The following NEGR1 variants were observed in gnomAD, a reference collection of about 807,000 sequenced individuals.
NEGR1 encodes the protein IgLON family member 4.
A neutral mutation model predicts 40.9 loss-of-function variants in NEGR1; 10 were observed. That is an observed-to-expected ratio of 0.24 (90% CI 0.15 to 0.42). NEGR1 has a LOEUF of 0.42. Ranked by LOEUF, NEGR1 falls within the 10% of genes least tolerant of loss-of-function variation. The pLI is 1.00. For missense variants in NEGR1, 352 were observed against 438.9 expected, an observed-to-expected ratio of 0.80 and a Z score of 1.77; for synonymous variants, 185 against 166.8, an observed-to-expected ratio of 1.11 and a Z score of -0.84.
At chr1:72,146,955 A>G (rs56256157) in intron 1 of NEGR1, among the ~76,000 whole-genome samples, 2,046 of 152,288 alleles carry the variant, frequency 0.013, 26 homozygotes, top group Non-Finnish European at 0.021. Flanking sequence ...TTGCTTTCAA[A>G]ATCATAGGGA....
chr1:72,072,723 T>G (rs1647522207), intron 1 of NEGR1, among the ~76,000 whole-genome samples: 1 of 145,290 alleles, frequency 6.9e-6, no homozygotes, highest in South Asian at 2.2e-4. Context: ...GGCATCGATC[T>G]GAGCTTGATT....
Position 71,972,679 on chromosome 1 carries a change from C to G in NEGR1, c.177-37368G>C, listed in dbSNP as rs1198971474. Among the ~76,000 whole-genome samples the G allele has an allele frequency of 6.6e-5, 10 of 152,096 alleles. 1 individual carries two copies. The stretch of plus-strand genomic sequence containing the variant: ...GATTTTATTTCCTGCCCCACGGATA[C>G]TATATATTCCACTAGTCCCTATTTA... On this transcript the variant is annotated intron_variant, in intron 1 of 6. Transcript: ENST00000357731.
intron 6 of NEGR1, among the ~76,000 whole-genome samples, chr1:71,541,810 A>G (rs1377466526): frequency 1.3e-5 from 2 of 151,846 alleles, no homozygotes; most frequent in African/African-American, 4.8e-5. Flanking sequence ...TTAAGAAAAA[A>G]TACCAAAGGC....
chr1:71,480,497 C>T (rs182218208), intron 6 of NEGR1, among the ~76,000 whole-genome samples: 4 of 151,828 alleles, frequency 2.6e-5, no homozygotes, highest in Admixed American at 1.3e-4. Flanking sequence ...TATTGTTTGT[C>T]CCCTTCTGCT....
chr1:72,179,644 C>G (rs1652293926), intron 1 of NEGR1, among the ~76,000 whole-genome samples: 1 of 151,966 alleles, frequency 6.6e-6, no homozygotes, highest in African/African-American at 2.4e-5. Context: ...ACTAACTTGG[C>G]ATAAAGTACT....
chr1:71,834,855 G>T (rs901031859), intron 2 of NEGR1, among the ~76,000 whole-genome samples: 5 of 128,530 alleles, frequency 3.9e-5, no homozygotes, highest in African/African-American at 1.5e-4. Flanking sequence ...AATAATGCCT[G>T]CCAAACACCG....
chr1:71,609,679 G>A (rs759846346), intron 5 of NEGR1, among the ~76,000 whole-genome samples: 2 of 151,482 alleles, frequency 1.3e-5, no homozygotes, highest in Non-Finnish European at 2.9e-5. Context: ...CATCACATAC[G>A]TTCTTATCCT....
intron 4 of NEGR1, among the ~76,000 whole-genome samples, chr1:71,677,757 G>A (rs1055017217): frequency 6.6e-6 from 1 of 152,156 alleles, no homozygotes; most frequent in Non-Finnish European, 1.5e-5. Flanking sequence ...ATTTACAAGT[G>A]AGAAAGTTAG....
At chr1:72,087,654 C>T (rs560012018) in intron 1 of NEGR1, among the ~76,000 whole-genome samples, 1 of 151,140 alleles carries the variant, frequency 6.6e-6, no homozygotes, top group South Asian at 2.1e-4. Flanking sequence ...CAAGATCCCC[C>T]TGTGTTGCCC....
chr1:71,421,518 CTT>C (rs574604278), intron 6 of NEGR1: 13 of 152,194 alleles, frequency 8.5e-5, no homozygotes, highest in African/African-American at 2.9e-4. Context: ...TTCACAGTAA[CTT>C]CTCTACTTCC....
chr1:72,143,898 T>A (rs1368768999), intron 1 of NEGR1, among the ~76,000 whole-genome samples: 1 of 80,244 alleles, frequency 1.2e-5, no homozygotes, highest in East Asian at 3.2e-4. Flanking sequence ...ATATATATTA[T>A]ATATATGATA....
intron 6 of NEGR1, among the ~76,000 whole-genome samples, chr1:71,534,899 T>C (rs1647466201): frequency 6.6e-6 from 1 of 151,562 alleles, no homozygotes; most frequent in Non-Finnish European, 1.5e-5. Context: ...TTTAACAAAA[T>C]TTTAAATAAA....
At chr1:72,141,938 T>C (rs1378457950) in intron 1 of NEGR1, among the ~76,000 whole-genome samples, 1 of 150,930 alleles carries the variant, frequency 6.6e-6, no homozygotes, top group Non-Finnish European at 1.5e-5. Flanking sequence ...TAATTAACAA[T>C]TTATAGCAAA....
chr1:71,855,298 A>G (rs1659726394), intron 2 of NEGR1, among the ~76,000 whole-genome samples: 1 of 152,090 alleles, frequency 6.6e-6, no homozygotes, highest in Non-Finnish European at 1.5e-5. Context: ...CTATGAGGAA[A>G]CTTCATTTTT....
In NEGR1 at chr1:71,724,846, T is replaced by G. The variant is rs140848943; in HGVS notation, c.536-26707A>C. Among the ~76,000 whole-genome samples the G allele has an allele frequency of 3.8e-3, 580 of 152,196 alleles. 4 individuals are homozygous for G. Among genetic ancestry groups the G allele is most frequent in the African/African-American group, 0.013 (557 of 41,538 alleles). The stretch of plus-strand genomic sequence containing the variant: ...TCTCTCATTTTCTTCTTTCTGGTAC[T>G]TTTTCTTGTGATCTCTAACCACCTT... On this transcript the variant is annotated intron_variant, in intron 3 of 6. Transcript: ENST00000357731.
At chr1:72,079,482 A>G (rs1647895189) in intron 1 of NEGR1, among the ~76,000 whole-genome samples, 1 of 152,150 alleles carries the variant, frequency 6.6e-6, no homozygotes, top group Non-Finnish European at 1.5e-5. Context: ...ATTAGATATT[A>G]GAATAAATCA....
intron 2 of NEGR1, among the ~76,000 whole-genome samples, chr1:71,842,913 G>T (rs112466184): frequency 0.013 from 2,010 of 152,162 alleles, 27 homozygotes; most frequent in Middle Eastern, 0.02. Flanking sequence ...AAAAGTGAAA[G>T]GACCCTATTA....
intron 2 of NEGR1, among the ~76,000 whole-genome samples, chr1:71,791,775 G>C (rs1427964359): frequency 6.6e-6 from 1 of 152,038 alleles, no homozygotes; most frequent in African/African-American, 2.4e-5. Context: ...GGTACTTTAG[G>C]TGAGAAAATG....
At chr1:71,659,257 G>GA (rs373245648) in intron 4 of NEGR1, among the ~76,000 whole-genome samples, 51 of 152,108 alleles carry the variant, frequency 3.4e-4, no homozygotes, top group African/African-American at 1.2e-3. Flanking sequence ...CAGAGGCCAA[G>GA]AAAAAGAACA....
Sources: allele counts gnomAD v4.1 joint callset (sites outside exome capture counted in the v4.1 genomes callset), GRCh38; gene constraint gnomAD v4.1.1; transcripts MANE v1.5; gene names NCBI Gene and HGNC (gene_info 2026-07-23, HGNC 2026-07-21).